The following ROBO2 variants were observed in gnomAD, a reference collection of about 807,000 sequenced individuals.
ROBO2 encodes roundabout guidance receptor 2.
ROBO2 carries 53 observed loss-of-function variants against 160.8 expected under a neutral mutation model. The ratio of observed to expected loss-of-function variants is 0.33; its 90% CI spans 0.26 to 0.41. The LOEUF (loss-of-function observed/expected upper bound fraction) is 0.41, where lower values mean the gene tolerates loss of function less well. Ranked by LOEUF, ROBO2 falls within the 10% of genes least tolerant of loss-of-function variation. The pLI is 1.00. For missense variants in ROBO2, 1,577 were observed against 1,722.4 expected (o/e 0.92, Z 1.49); for synonymous variants, 664 against 611.7 (o/e 1.09, Z -1.26).
intron 2 of ROBO2, among the ~76,000 whole-genome samples, chr3:76,590,440 T>A (rs1296126145): frequency 1.3e-5 from 2 of 152,158 alleles, no homozygotes; most frequent in Non-Finnish European, 2.9e-5. Context: ...TTGGCATGCA[T>A]AATTTATGAC....
intron 12 of ROBO2, among the ~76,000 whole-genome samples, chr3:77,567,623 C>T (rs1483660201): frequency 2.0e-5 from 3 of 152,018 alleles, no homozygotes; most frequent in African/African-American, 7.2e-5. Context: ...AACATGTCTG[C>T]ATGACCTCGT....
chr3:75,962,297 ATTTC>A (rs923246453), intron 2 of ROBO2, among the ~76,000 whole-genome samples: 90 of 151,868 alleles, frequency 5.9e-4, no homozygotes, highest in African/African-American at 1.9e-3. Flanking sequence ...AAGAAAGAAT[ATTTC>A]TTTCTGTTTA....
chr3:77,646,055 G>T, exon 26 of ROBO2: 1 of 1,592,902 alleles, frequency 6.3e-7, no homozygotes, highest in Non-Finnish European at 8.6e-7. Flanking sequence ...TTTCTTTAGA[G>T]TAAATGAGAG....
intron 2 of ROBO2, among the ~76,000 whole-genome samples, chr3:77,015,017 C>A (rs1263332455): frequency 6.6e-6 from 1 of 151,470 alleles, no homozygotes; most frequent in Non-Finnish European, 1.5e-5. Context: ...CATATTGTTC[C>A]TACATCTAAA....
At chr3:76,074,759 T>C (rs985889206) in intron 2 of ROBO2, among the ~76,000 whole-genome samples, 4 of 152,144 alleles carry the variant, frequency 2.6e-5, no homozygotes, top group Non-Finnish European at 5.9e-5. Context: ...AGCCCACATA[T>C]GCTAGTTTTT....
rs2065094107 is a variant in ROBO2, at chr3:75,974,885, A to ATC, written c.109+37283_109+37284insTC. On this transcript the variant is annotated intron_variant, in intron 2 of 26. Transcript: ENST00000487694. ...AAAATAGTTTGTTGATCCCATGTAGAACATACAGAGATGTGTGTTTATACA... is the reference window on the plus strand; with the variant it reads ...AAAATAGTTTGTTGATCCCATGTAGATCACATACAGAGATGTGTGTTTATACA... Among the ~76,000 whole-genome samples, 3 of 151,494 alleles carry ATC rather than the reference A, an allele frequency of 2.0e-5. No homozygotes were observed. In the Admixed American group the frequency reaches 2.0e-4, roughly 10 times the overall value.
intron 2 of ROBO2, among the ~76,000 whole-genome samples, chr3:76,106,367 C>T (rs932652012): frequency 1.6e-4 from 24 of 152,202 alleles, no homozygotes; most frequent in African/African-American, 5.1e-4. Flanking sequence ...AACATATATA[C>T]ACATATAGGT....
At chr3:77,192,439 T>A (rs2081939577) in intron 2 of ROBO2, among the ~76,000 whole-genome samples, 1 of 152,150 alleles carries the variant, frequency 6.6e-6, no homozygotes, top group African/African-American at 2.4e-5. Flanking sequence ...CTTTAAATGT[T>A]GAATGTAGCT....
chr3:76,832,478 G>T (rs1485322724), intron 2 of ROBO2, among the ~76,000 whole-genome samples: 1 of 152,072 alleles, frequency 6.6e-6, no homozygotes, highest in African/African-American at 2.4e-5. Context: ...AACGTTTAAT[G>T]CATCATAACG....
intron 2 of ROBO2, among the ~76,000 whole-genome samples, chr3:76,411,239 A>G (rs2075470507): frequency 6.6e-6 from 1 of 152,152 alleles, no homozygotes; most frequent in Non-Finnish European, 1.5e-5. Context: ...TTCAACAAAC[A>G]TATATCAAGG....
chr3:77,568,445 A>G lies in ROBO2; in HGVS notation c.1971+11A>G, dbSNP rs1264716670. 6.2e-7 allele frequency: 1 copy of G among 1,612,686 alleles called. No homozygotes were observed. The highest frequency in any genetic ancestry group is 2.2e-5 in the East Asian group (1 of 44,806). ...CAGGTCACATGGACGGTAAGCTTTCAAAGGCAATGTTAATAGTAATCTCTT... is the reference window on the plus strand; with the variant it reads ...CAGGTCACATGGACGGTAAGCTTTCGAAGGCAATGTTAATAGTAATCTCTT... On this transcript the variant is annotated intron_variant, in intron 13 of 25. Coordinates refer to ENST00000461745, the Ensembl canonical transcript of ROBO2.
intron 21 of ROBO2, 152 bp downstream of exon 22, chr3:77,608,106 C>A: frequency 1.4e-6 from 1 of 723,450 alleles, no homozygotes. Context: ...TTTGCACTGT[C>A]TATATATTTT....
intron 2 of ROBO2, among the ~76,000 whole-genome samples, chr3:77,474,131 A>G (rs1468252810): frequency 7.9e-5 from 12 of 152,196 alleles, no homozygotes; most frequent in Admixed American, 4.6e-4. Context: ...ACTTTCGTCA[A>G]AAACCATCGT....
At chr3:76,671,838 A>C (rs2106671360) in intron 2 of ROBO2, among the ~76,000 whole-genome samples, 1 of 152,234 alleles carries the variant, frequency 6.6e-6, no homozygotes, top group East Asian at 1.9e-4. Flanking sequence ...TAATTTAAAT[A>C]GTATAGTAAA....
chr3:77,217,749 A>G (rs566166258), intron 2 of ROBO2, among the ~76,000 whole-genome samples: 1 of 152,354 alleles, frequency 6.6e-6, no homozygotes, highest in African/African-American at 2.4e-5. Flanking sequence ...TACTTTGAGT[A>G]TGACACTCAT....
chr3:76,793,169 A>C (rs2063476813), intron 2 of ROBO2, among the ~76,000 whole-genome samples: 1 of 151,846 alleles, frequency 6.6e-6, no homozygotes, highest in South Asian at 2.1e-4. Context: ...TATTGAGACT[A>C]GTTTTTTAAA....
chr3:77,479,901 C>T (rs752921973), intron 3 of ROBO2, among the ~76,000 whole-genome samples: 4 of 152,080 alleles, frequency 2.6e-5, no homozygotes, highest in Admixed American at 6.6e-5. Flanking sequence ...TCAGTTCCAA[C>T]TCAGCAAGAG....
At chr3:76,382,502 G>A (rs2076683719) in intron 2 of ROBO2, among the ~76,000 whole-genome samples, 1 of 152,210 alleles carries the variant, frequency 6.6e-6, no homozygotes, top group South Asian at 2.1e-4. Flanking sequence ...CAGGAGAATG[G>A]CGTGAACCCG....
At chr3:76,259,530 T>C (rs1706609288) in intron 2 of ROBO2, among the ~76,000 whole-genome samples, 1 of 152,132 alleles carries the variant, frequency 6.6e-6, no homozygotes, top group African/African-American at 2.4e-5. Context: ...GAGGCCCTGG[T>C]GACAATTGCT....
Sources: gnomAD v4.1 joint callset for allele counts (sites outside exome capture counted in the v4.1 genomes callset) on GRCh38, gnomAD v4.1.1 for gene constraint, MANE v1.5 for transcripts, NCBI Gene and HGNC (gene_info 2026-07-23, HGNC 2026-07-21) for gene names.